Variants in TENM2 observed in about 807,000 individuals in gnomAD.
The protein encoded by TENM2 is teneurin-2.
Under a neutral mutation model 245.2 loss-of-function variants are expected in TENM2, and 52 were observed. That is an observed-to-expected ratio of 0.21 (90% CI 0.17 to 0.27). TENM2 has a LOEUF of 0.27. Among genes scored for constraint, TENM2 ranks in the 10% least tolerant of loss-of-function variants. TENM2 has a pLI of 1.00. For synonymous variants in TENM2, 1,363 were observed against 1,438.9 expected (o/e 0.95, Z 1.19); for missense variants, 3,046 against 3,666.8 (o/e 0.83, Z 4.37).
intron 2 of TENM2, among the ~76,000 whole-genome samples, chr5:167,820,123 T>A (rs1046724527): frequency 2.6e-5 from 4 of 152,056 alleles, no homozygotes; most frequent in Admixed American, 2.0e-4. Flanking sequence ...AAGAGTCCTT[T>A]TCCCTGGGCT....
At chr5:167,922,081 C>T (rs749077245) in intron 3 of TENM2, among the ~76,000 whole-genome samples, 10 of 152,194 alleles carry the variant, frequency 6.6e-5, no homozygotes, top group Admixed American at 3.3e-4. Context: ...GAAGTAGGAA[C>T]TGTCTTTGTA....
Position 168,036,424 on chromosome 5 carries a change from G to A in TENM2, c.1187-11003G>A, listed in dbSNP as rs920270835. Among the ~76,000 whole-genome samples the A allele has an allele frequency of 7.2e-5, 11 of 151,860 alleles. No individual in the cohort carries two copies. In the East Asian group the frequency reaches 1.9e-3, roughly 27 times the overall value. ...GGCCGAGGCAGGCGGATCACCTGAG[G>A]TCAGGAGTTTGAGACCAGCCTGGCC... On this transcript the variant is annotated intron_variant, in intron 5 of 28. Coordinates refer to ENST00000518659, the Ensembl canonical transcript of TENM2.
chr5:167,749,233 A>G (rs1046493914), intron 2 of TENM2, among the ~76,000 whole-genome samples: 1 of 152,214 alleles, frequency 6.6e-6, no homozygotes, highest in Non-Finnish European at 1.5e-5. Flanking sequence ...ACGGATATGA[A>G]CAGAGAGATT....
chr5:167,027,500 CTT>C, the TENM2 span, among the ~76,000 whole-genome samples: 1 of 151,972 alleles, frequency 6.6e-6, no homozygotes, highest in Admixed American at 6.6e-5. Flanking sequence ...ATACTGCTAA[CTT>C]TTAAAAAATG....
chr5:167,625,630 G>A (rs1303484157), intron 2 of TENM2, among the ~76,000 whole-genome samples: 1 of 152,128 alleles, frequency 6.6e-6, no homozygotes, highest in Non-Finnish European at 1.5e-5. Context: ...GTTATCTATT[G>A]TTCTGTAACA....
intron 2 of TENM2, among the ~76,000 whole-genome samples, chr5:167,422,089 C>A (rs909246874): frequency 2.0e-5 from 3 of 152,050 alleles, no homozygotes; most frequent in Non-Finnish European, 2.9e-5. Flanking sequence ...CATTCCCGGC[C>A]GGTAGTATTC....
At chr5:167,776,210 C>T (rs1052348582) in intron 2 of TENM2, among the ~76,000 whole-genome samples, 2 of 125,150 alleles carry the variant, frequency 1.6e-5, no homozygotes, top group East Asian at 4.5e-4. Flanking sequence ...GCATTCTTAT[C>T]CTATATGACT....
chr5:167,554,426 A>C (rs555899545), intron 2 of TENM2, among the ~76,000 whole-genome samples: 3 of 152,148 alleles, frequency 2.0e-5, no homozygotes, highest in African/African-American at 7.2e-5. Context: ...TGACCTCACG[A>C]TACAGTGTTC....
At chr5:167,739,165 T>C (rs7703401) in intron 2 of TENM2, among the ~76,000 whole-genome samples, 63,412 of 152,036 alleles carry the variant, frequency 0.42, 15,817 homozygotes, top group African/African-American at 0.67. Context: ...CTTTGCAGTC[T>C]GCAGGCCAGG....
intron 2 of TENM2, among the ~76,000 whole-genome samples, chr5:167,486,735 T>C (rs1768099386): frequency 6.6e-6 from 1 of 152,178 alleles, no homozygotes; most frequent in South Asian, 2.1e-4. Flanking sequence ...TTTTTCTCTG[T>C]TACTCAACTA....
At chr5:168,203,656 C>T (rs1257173003) in intron 17 of TENM2, 33 bp from the exon 20 acceptor site, 1 of 1,560,176 alleles carries the variant, frequency 6.4e-7, no homozygotes, top group Non-Finnish European at 8.8e-7. Flanking sequence ...TCTCTCTTTT[C>T]TCTCACTCTG....
chr5:167,352,073 A>T (rs1758954500), intron 1 of TENM2, among the ~76,000 whole-genome samples: 1 of 152,190 alleles, frequency 6.6e-6, no homozygotes, highest in Non-Finnish European at 1.5e-5. Flanking sequence ...TTCAAATTTT[A>T]TTTTTTGCTA....
the TENM2 span, among the ~76,000 whole-genome samples, chr5:167,155,845 G>A: frequency 2.0e-5 from 3 of 152,238 alleles, no homozygotes; most frequent in African/African-American, 7.2e-5. Flanking sequence ...CGGTCACGCA[G>A]CGTGTGTGGA....
At position 167,751,115 on chromosome 5, in the gene TENM2, G is replaced by A. The variant is rs184068228; in HGVS notation, c.503-124871G>A. Among the ~76,000 whole-genome samples, 5 of 152,164 alleles carry A rather than the reference G, an allele frequency of 3.3e-5. No individual in the cohort carries two copies. The East Asian group carries it at 9.7e-4, about 29-fold the overall frequency. On this transcript the variant is annotated intron_variant, in intron 2 of 28. Transcript: ENST00000518659. ...GAAAGGACAGGGTTGCCAGGGTGGA[G>A]AGAGGAAGCAGGGGAGAGGAGGGAA...
chr5:167,695,726 T>A (rs279411), intron 2 of TENM2, among the ~76,000 whole-genome samples: 20,312 of 141,482 alleles, frequency 0.14, 1,776 homozygotes, highest in East Asian at 0.41. Context: ...AATGGTGATT[T>A]AAAAAAAAAA....
chr5:167,100,942 T>C, the TENM2 span, among the ~76,000 whole-genome samples: 3 of 152,244 alleles, frequency 2.0e-5, no homozygotes, highest in Non-Finnish European at 4.4e-5. Flanking sequence ...TTGCAGTTAT[T>C]CATCTTTAAT....
At chr5:167,473,364 C>T (rs1452064130) in intron 2 of TENM2, among the ~76,000 whole-genome samples, 1 of 151,954 alleles carries the variant, frequency 6.6e-6, no homozygotes, top group Non-Finnish European at 1.5e-5. Flanking sequence ...TCTGATAGTC[C>T]CAGGCATGGT....
intron 2 of TENM2, among the ~76,000 whole-genome samples, chr5:167,684,160 T>C (rs926774530): frequency 6.6e-6 from 1 of 152,238 alleles, no homozygotes; most frequent in Non-Finnish European, 1.5e-5. Flanking sequence ...CAGGCCTCTG[T>C]GATGAGGTCT....
the TENM2 span, among the ~76,000 whole-genome samples, chr5:167,044,026 TAGTAAGGACAGAAGGAAGGA>T: frequency 8.3e-5 from 6 of 71,990 alleles, no homozygotes; most frequent in East Asian, 1.5e-3. Context: ...CTCAAATAAA[TAGTAAGGACAGAAGGAAGGA>T]AGGAAGGAAG....
Sources: allele counts gnomAD v4.1 joint callset (sites outside exome capture counted in the v4.1 genomes callset), GRCh38; gene constraint gnomAD v4.1.1; transcripts MANE v1.5; gene names NCBI Gene and HGNC (gene_info 2026-07-23, HGNC 2026-07-21).